Variants in DTL observed in about 807,000 individuals in gnomAD.
The protein encoded by DTL is denticleless E3 ubiquitin protein ligase adapter, also known as denticleless protein homolog.
DTL carries 46 observed loss-of-function variants against 87.0 expected under a neutral mutation model. The observed-to-expected ratio is 0.53, with a 90% CI of 0.42 to 0.68. The LOEUF (loss-of-function observed/expected upper bound fraction) is 0.68, where lower values mean the gene tolerates loss of function less well. DTL is among the 30% of genes least tolerant of loss of function. The pLI is 0.00. For missense variants in DTL, 737 were observed against 869.4 expected (o/e 0.85, Z 1.91); for synonymous variants, 308 against 311.2 (o/e 0.99, Z 0.11).
rs546626697 is a variant in DTL at position 212,044,221 on chromosome 1, A to G, written c.179-439A>G. On this transcript the variant is annotated intron_variant, in intron 2 of 14. Transcript: ENST00000366991. ...ATGCCTTTGTTTGCCATTGGCCAGT[A>G]CCACTCTTGTTTTAAGTACTACCCT... Among the ~76,000 whole-genome samples the G allele has an allele frequency of 1.1e-4, 16 of 152,352 alleles. No homozygotes were observed. In the South Asian group the frequency reaches 3.3e-3, roughly 32 times the overall value.
At chr1:212,047,097 G>A in intron 3 of DTL, 54 bp from the exon 4 acceptor site, 1 of 1,499,470 alleles carries the variant, frequency 6.7e-7, no homozygotes, top group Non-Finnish European at 9.3e-7. Context: ...ATATTAATAT[G>A]GGTACCACAG....
At chr1:212,046,418 T>A (rs1667808612) in intron 3 of DTL, among the ~76,000 whole-genome samples, 1 of 152,176 alleles carries the variant, frequency 6.6e-6, no homozygotes, top group Non-Finnish European at 1.5e-5. Context: ...ATGCATTAGC[T>A]ATTTTTCCTG....
At chr1:212,070,107 G>A (rs1273859846) in intron 10 of DTL, among the ~76,000 whole-genome samples, 1 of 152,134 alleles carries the variant, frequency 6.6e-6, no homozygotes, top group Non-Finnish European at 1.5e-5. Flanking sequence ...ATCTTTCCTT[G>A]AAAGATAAAG....
chr1:212,095,735 T>C (rs1655427089), intron 13 of DTL, among the ~76,000 whole-genome samples: 1 of 152,238 alleles, frequency 6.6e-6, no homozygotes, highest in African/African-American at 2.4e-5. Context: ...CATTTGATCA[T>C]GGTAGATTAT....
intron 13 of DTL, among the ~76,000 whole-genome samples, chr1:212,089,528 AG>A (rs1365937372): frequency 6.6e-6 from 1 of 152,238 alleles, no homozygotes; most frequent in Non-Finnish European, 1.5e-5. Flanking sequence ...GAAATGAAAA[AG>A]TTGAAAAGAG....
intron 13 of DTL, among the ~76,000 whole-genome samples, chr1:212,086,428 T>TA (rs1323667084): frequency 2.0e-5 from 3 of 152,250 alleles, no homozygotes; most frequent in Non-Finnish European, 2.9e-5. Context: ...GTTTTTCCCT[T>TA]ATACATAGAG....
chr1:212,073,229 A>T (rs992577656), intron 11 of DTL, among the ~76,000 whole-genome samples: 1 of 152,222 alleles, frequency 6.6e-6, no homozygotes, highest in East Asian at 1.9e-4. Flanking sequence ...GGAATAATTA[A>T]TTATGGAAAT....
chr1:212,047,129 A>C, intron 3 of DTL, 22 bp from the exon 4 acceptor site: 1 of 1,611,032 alleles, frequency 6.2e-7, no homozygotes, highest in Non-Finnish European at 8.5e-7. Context: ...GACATTTCAC[A>C]TTTACCATTT....
chr1:212,035,963 C>A, intron 1 of DTL, 21 bp downstream of exon 1: 1 of 1,612,756 alleles, frequency 6.2e-7, no homozygotes, highest in South Asian at 1.1e-5. Flanking sequence ...GTCCCAACCG[C>A]TGCTCGGAGC....
intron 11 of DTL, among the ~76,000 whole-genome samples, chr1:212,075,870 C>G (rs531289777): frequency 6.6e-6 from 1 of 152,194 alleles, no homozygotes; most frequent in Non-Finnish European, 1.5e-5. Flanking sequence ...TTAACAGTCA[C>G]TCTCTAATCC....
intron 13 of DTL, among the ~76,000 whole-genome samples, chr1:212,090,102 G>A (rs1274729243): frequency 6.6e-6 from 1 of 152,188 alleles, no homozygotes; most frequent in Non-Finnish European, 1.5e-5. Context: ...GAGGTTTCAT[G>A]AATAGGTCCC....
intron 2 of DTL, among the ~76,000 whole-genome samples, chr1:212,044,293 G>A (rs1257563631): frequency 6.6e-6 from 1 of 152,072 alleles, no homozygotes; most frequent in East Asian, 1.9e-4. Flanking sequence ...GAAAATTTTG[G>A]TGGTTTTGAG....
At chr1:212,073,979 T>C (rs571877878) in intron 11 of DTL, among the ~76,000 whole-genome samples, 3 of 152,038 alleles carry the variant, frequency 2.0e-5, no homozygotes, top group Admixed American at 6.6e-5. Context: ...TTCTCCACTT[T>C]GGCTCCCAAC....
chr1:212,103,125 T>C lies in DTL; in HGVS notation c.*185T>C, dbSNP rs567651690. The C allele has an allele frequency of 2.4e-6, 1 of 419,572 alleles. No individual in the cohort carries two copies. Among genetic ancestry groups the C allele is most frequent in the Non-Finnish European group, 4.2e-6 (1 of 235,702 alleles). The allele number at this position is 419,572 out of a possible 1,614,324, so 26.0% of individuals were successfully genotyped here. On this transcript the variant is annotated 3_prime_UTR_variant, in exon 15 of 15. Coordinates refer to ENST00000366991, the MANE Select transcript of DTL (RefSeq NM_016448.4). The stretch of plus-strand genomic sequence containing the variant: ...ACCTAATCTGGTTCTACTACCATAA[T>C]GTATATGCAGCTTCCCGAGGATGAA...
chr1:212,063,296 ATT>A (rs879847011), intron 6 of DTL, among the ~76,000 whole-genome samples: 5 of 142,776 alleles, frequency 3.5e-5, no homozygotes, highest in Admixed American at 7.0e-5. Flanking sequence ...TATTATTATT[ATT>A]TTTTTTTTTT....
rs1309660454 is a variant in DTL, at chr1:212,062,797, A to G, written c.461-87A>G. The stretch of plus-strand genomic sequence containing the variant: ...TGACAGATACAGTACCTAGCACATA[A>G]TAGATAGTCTACAAAATGTAAACTG... On this transcript the variant is annotated intron_variant, in intron 5 of 14. Coordinates refer to ENST00000366991, the MANE Select transcript of DTL (RefSeq NM_016448.4). 8 of 1,024,102 alleles carry G rather than the reference A, an allele frequency of 7.8e-6. No homozygotes were observed. The East Asian group carries it at 1.9e-4, about 25-fold the overall frequency. The allele number at this position is 1,024,102 out of a possible 1,614,324, so 63.4% of individuals were successfully genotyped here. A position where few individuals can be genotyped will look rare whatever the true frequency, so the allele number is the denominator to read the frequency against.
intron 13 of DTL, among the ~76,000 whole-genome samples, chr1:212,081,647 C>G (rs1166048343): frequency 6.6e-6 from 1 of 152,142 alleles, no homozygotes. Flanking sequence ...GTAGCAGAAG[C>G]TATGGTGAGA....
chr1:212,064,102 G>A (rs1021830925), intron 6 of DTL, among the ~76,000 whole-genome samples: 1 of 151,944 alleles, frequency 6.6e-6, no homozygotes, highest in South Asian at 2.1e-4. Context: ...ATGTTGGCCA[G>A]GCTGATCTGG....
intron 1 of DTL, among the ~76,000 whole-genome samples, chr1:212,041,259 A>G (rs75224359): frequency 0.037 from 5,681 of 152,250 alleles, 168 homozygotes; most frequent in African/African-American, 0.085. Context: ...GATGTTAATT[A>G]TAGGCAGTGA....
Sources: gnomAD v4.1 joint callset for allele counts (sites outside exome capture counted in the v4.1 genomes callset) on GRCh38, gnomAD v4.1.1 for gene constraint, MANE v1.5 for transcripts, NCBI Gene and HGNC (gene_info 2026-07-23, HGNC 2026-07-21) for gene names.